GJA1: variants seen among roughly 807,000 people sequenced by gnomAD.
GJA1 encodes gap junction alpha-1 protein.
In GJA1, 9 loss-of-function variants were observed where a neutral mutation model predicts 31.0. That is an observed-to-expected ratio of 0.29 (90% CI 0.17 to 0.51). The LOEUF (loss-of-function observed/expected upper bound fraction) is 0.51. Among genes scored for constraint, GJA1 ranks in the 20% least tolerant of loss-of-function variants. The pLI is 0.98. For synonymous variants in GJA1, 186 were observed against 180.1 expected (o/e 1.03, Z -0.26); for missense variants, 278 against 468.8 (o/e 0.59, Z 3.76).
intron 1 of GJA1, among the ~76,000 whole-genome samples, chr6:121,444,460 A>ATCTC (rs914898033): frequency 6.6e-6 from 1 of 152,134 alleles, no homozygotes; most frequent in Non-Finnish European, 1.5e-5. Flanking sequence ...TGGCTCAGCC[A>ATCTC]TCTCTTCTTT....
In GJA1 at chr6:121,448,147, C is replaced by T; in HGVS notation, c.*151C>T. On this transcript the variant is annotated 3_prime_UTR_variant, in exon 2 of 2. Coordinates refer to ENST00000282561, the MANE Select transcript of GJA1 (RefSeq NM_000165.5). ...TAGAAAACACAAAGACATTAGAATA[C>T]CTAGGTTCACTGGGGGTGTATGGGG... is the stretch of plus-strand genomic sequence containing the variant. The T allele has an allele frequency of 2.7e-6, 2 of 736,998 alleles. No homozygotes were observed. The highest frequency in any genetic ancestry group is 4.9e-6 in the Non-Finnish European group (2 of 410,074). 45.7% of individuals were successfully genotyped at this position (736,998 alleles called of 1,614,324 possible).
chr6:121,445,822 A>G (rs1582557422), intron 1 of GJA1, among the ~76,000 whole-genome samples: 2 of 152,330 alleles, frequency 1.3e-5, no homozygotes, highest in East Asian at 3.9e-4. Context: ...CTTCTGAGCT[A>G]CATAAGTCAC....
Position 121,447,579 on chromosome 6 carries a change from C to A in GJA1, c.732C>A (p.Ser244Arg), listed in dbSNP as rs754052391. 6.2e-7 allele frequency: 1 copy of A among 1,613,430 alleles called. No homozygotes were observed. Among genetic ancestry groups the A allele is most frequent in the Non-Finnish European group, 8.5e-7 (1 of 1,179,774 alleles). The stretch of plus-strand genomic sequence containing the variant: ...TTAAGGATCGGGTTAAGGGAAAGAG[C>A]GACCCTTACCATGCGACCAGTGGTG... ...KGVKDRVKGK[S>R]DPYHATSGAL... Residue 244 changes from serine (S) to arginine (R), a missense_variant, in exon 2 of 2, where the codon AGC becomes AGA. Physicochemically the swap from Ser to Arg is moderately radical, Grantham distance 110. Coordinates refer to ENST00000282561, the MANE Select transcript of GJA1 (RefSeq NM_000165.5).
chr6:121,447,638 A>G lies in GJA1; in HGVS notation c.791A>G (p.Lys264Arg), dbSNP rs747845039. The change falls in exon 2 of 2, where the codon AAA becomes AGA. Residue 264 changes from lysine (K) to arginine (R), a missense_variant. Coordinates refer to ENST00000282561, the MANE Select transcript of GJA1 (RefSeq NM_000165.5). The part of the protein sequence containing the change: ...LSPAKDCGSQ[K>R]YAYFNGCSSP... ...CCTGCCAAAGACTGTGGGTCTCAAA[A>G]ATATGCTTATTTCAATGGCTGCTCC... is the stretch of plus-strand genomic sequence containing the variant. 6.2e-7 allele frequency: 1 copy of G among 1,613,934 alleles called. No individual in the cohort carries two copies. Among genetic ancestry groups the G allele is most frequent in the African/African-American group, 1.3e-5 (1 of 74,970 alleles).
At position 121,446,865 on chromosome 6, in the gene GJA1, C is replaced by T. The variant is rs200520137; in HGVS notation, c.18C>T (p.Ala6=). 9.9e-6 allele frequency: 16 copies of T among 1,613,414 alleles called. No individual in the cohort carries two copies. Among genetic ancestry groups the T allele is most frequent in the Admixed American group, 6.7e-5 (4 of 59,998 alleles). Residue 6 remains alanine (A), a synonymous_variant, in exon 2 of 2, where the codon GCC becomes GCT. Coordinates refer to ENST00000282561, the MANE Select transcript of GJA1 (RefSeq NM_000165.5). Reference sequence around the variant, plus strand: ...CAGGCAACATGGGTGACTGGAGCGCCTTAGGCAAACTCCTTGACAAGGTTC... The same window carrying T: ...CAGGCAACATGGGTGACTGGAGCGCTTTAGGCAAACTCCTTGACAAGGTTC... MGDWS[A]LGKLLDKVQA...
intron 1 of GJA1, among the ~76,000 whole-genome samples, chr6:121,441,425 A>G (rs2114275468): frequency 6.6e-6 from 1 of 152,162 alleles, no homozygotes; most frequent in East Asian, 1.9e-4. Context: ...AACAAAGCAA[A>G]CTCCCTCGTA....
At chr6:121,446,728 C>G in intron 1 of GJA1, 104 bp from the exon 2 acceptor site, 1 of 827,852 alleles carries the variant, frequency 1.2e-6, no homozygotes, top group Non-Finnish European at 2.1e-6. Flanking sequence ...GTTAGAAATA[C>G]GTGAAACCGT....
In GJA1 at chr6:121,448,132, A is replaced by G; in HGVS notation, c.*136A>G. On this transcript the variant is annotated 3_prime_UTR_variant, in exon 2 of 2. Transcript: ENST00000282561. ...CTTATTCATGAGGCTTAGAAAACAC[A>G]AAGACATTAGAATACCTAGGTTCAC... The G allele has an allele frequency of 1.2e-6, 1 of 805,694 alleles. No homozygotes were observed. Among genetic ancestry groups the G allele is most frequent in the Non-Finnish European group, 2.1e-6 (1 of 466,192 alleles). 49.9% of individuals were successfully genotyped at this position (805,694 alleles called of 1,614,324 possible). A position where few individuals can be genotyped will look rare whatever the true frequency, so the allele number is the denominator to read the frequency against.
At chr6:121,437,513 A>T (rs1773690298) in intron 1 of GJA1, among the ~76,000 whole-genome samples, 1 of 152,034 alleles carries the variant, frequency 6.6e-6, no homozygotes, top group Admixed American at 6.5e-5. Context: ...GGGGCGGCTC[A>T]AGGGGAAAGG....
At chr6:121,439,038 C>T (rs1035271325) in intron 1 of GJA1, among the ~76,000 whole-genome samples, 1 of 151,918 alleles carries the variant, frequency 6.6e-6, no homozygotes, top group Non-Finnish European at 1.5e-5. Flanking sequence ...TGGCTCATGC[C>T]TGTAATCCTA....
intron 1 of GJA1, among the ~76,000 whole-genome samples, chr6:121,438,556 G>A (rs149557887): frequency 6.6e-6 from 1 of 152,068 alleles, no homozygotes; most frequent in African/African-American, 2.4e-5. Flanking sequence ...TATGATACCC[G>A]CAGGGAAGGG....
intron 1 of GJA1, among the ~76,000 whole-genome samples, chr6:121,439,808 C>A (rs992610529): frequency 6.6e-6 from 1 of 152,266 alleles, no homozygotes; most frequent in South Asian, 2.1e-4. Flanking sequence ...TTCACAACAT[C>A]AAATACCTAC....
Position 121,449,218 on chromosome 6 carries a change from CTT to C in GJA1, c.*1223_*1224del, listed in dbSNP as rs1359656706. On this transcript the variant is annotated 3_prime_UTR_variant, in exon 2 of 2. Transcript: ENST00000282561. ...AGGCTTTAGTCATTAATGTGAGAGACTTAGAAAAAATGCTTAGAGTGGACTAT... is the reference window on the plus strand; with the variant it reads ...AGGCTTTAGTCATTAATGTGAGAGACAGAAAAAATGCTTAGAGTGGACTAT... 6.0e-6 allele frequency: 1 copy of C among 167,014 alleles called. No homozygotes were observed. Among genetic ancestry groups the C allele is most frequent in the East Asian group, 1.9e-4 (1 of 5,200 alleles). 10.3% of individuals were successfully genotyped at this position (167,014 alleles called of 1,614,324 possible).
intron 1 of GJA1, among the ~76,000 whole-genome samples, chr6:121,441,885 T>A (rs1264441280): frequency 3.9e-5 from 6 of 152,182 alleles, no homozygotes; most frequent in Admixed American, 3.9e-4. Context: ...CAATGACATT[T>A]ACTGGAGGGG....
chr6:121,447,042 C>T lies in GJA1; in HGVS notation c.195C>T (p.Cys65=), dbSNP rs770356522. 7 of 1,613,396 alleles carry T rather than the reference C, an allele frequency of 4.3e-6. No individual in the cohort carries two copies. The South Asian group carries it at 7.7e-5, about 18-fold the overall frequency. ...NTQQPGCENV[C]YDKSFPISHV... is the part of the protein sequence containing the mutation. ...AGCAACCTGGTTGTGAAAATGTCTG[C>T]TATGACAAGTCTTTCCCAATCTCTC... Residue 65 remains cysteine, a synonymous_variant, in exon 2 of 2, where the codon TGC becomes TGT. Coordinates refer to ENST00000282561, the MANE Select transcript of GJA1 (RefSeq NM_000165.5).
At chr6:121,442,949 G>T (rs1190583033) in intron 1 of GJA1, among the ~76,000 whole-genome samples, 1 of 152,150 alleles carries the variant, frequency 6.6e-6, no homozygotes, top group Admixed American at 6.5e-5. Flanking sequence ...TACATATAAA[G>T]CACCAACTCA....
chr6:121,443,166 A>G (rs573722380), intron 1 of GJA1, among the ~76,000 whole-genome samples: 1 of 152,282 alleles, frequency 6.6e-6, no homozygotes, highest in African/African-American at 2.4e-5. Context: ...ACTTGGAAAA[A>G]TGAAGATATT....
chr6:121,444,538 G>T (rs1773852277), intron 1 of GJA1, among the ~76,000 whole-genome samples: 1 of 152,154 alleles, frequency 6.6e-6, no homozygotes, highest in Non-Finnish European at 1.5e-5. Flanking sequence ...GCCAGAAGAT[G>T]CAGTCATTAG....
chr6:121,439,818 C>T (rs916623150), intron 1 of GJA1, among the ~76,000 whole-genome samples: 1 of 152,146 alleles, frequency 6.6e-6, no homozygotes, highest in African/African-American at 2.4e-5. Flanking sequence ...CAAATACCTA[C>T]ACAAATGTGC....
Sources: allele counts gnomAD v4.1 joint callset (sites outside exome capture counted in the v4.1 genomes callset), GRCh38; gene constraint gnomAD v4.1.1; transcripts MANE v1.5; gene names NCBI Gene and HGNC (gene_info 2026-07-23, HGNC 2026-07-21).